FAT4: variants seen among roughly 807,000 people sequenced by gnomAD.
The protein encoded by FAT4 is FAT atypical cadherin 4.
Under a neutral mutation model 303.9 loss-of-function variants are expected in FAT4, and 84 were observed. The ratio of observed to expected loss-of-function variants is 0.28; its 90% CI spans 0.23 to 0.33. FAT4 has a LOEUF of 0.33. Among genes scored for constraint, FAT4 ranks in the 10% least tolerant of loss-of-function variants. The probability of loss-of-function intolerance (pLI) is 1.00; values close to 1 mark genes in which losing one functional copy is unlikely to be tolerated. For missense variants in FAT4, 6,005 were observed against 6,146.8 expected, an observed-to-expected ratio of 0.98 and a Z score of 0.77; for synonymous variants, 2,307 against 2,298.8, an observed-to-expected ratio of 1.00 and a Z score of -0.10.
intron 2 of FAT4, chr4:125,393,967 C>T (rs544971661): frequency 2.6e-6 from 2 of 780,246 alleles, no homozygotes; most frequent in East Asian, 4.9e-5. Context: ...GTGGGTGATA[C>T]CTTAGCTCAA....
At chr4:125,486,143 CTT>C (rs532857051) in intron 16 of FAT4, among the ~76,000 whole-genome samples, 1 of 139,052 alleles carries the variant, frequency 7.2e-6, no homozygotes, top group African/African-American at 2.7e-5. Flanking sequence ...AAGGCTTTTC[CTT>C]TTTTTTTTTT....
chr4:125,347,115 G>C (rs1732033379), intron 2 of FAT4, among the ~76,000 whole-genome samples: 1 of 151,748 alleles, frequency 6.6e-6, no homozygotes, highest in African/African-American at 2.4e-5. Flanking sequence ...CTCAGTGCTA[G>C]GCAAGGCATA....
At chr4:125,452,944 T>C in intron 10 of FAT4, 134 bp downstream of exon 10, 1 of 1,162,824 alleles carries the variant, frequency 8.6e-7, no homozygotes, top group Non-Finnish European at 1.2e-6. Context: ...AAACATTTAC[T>C]GTTGGTCAAA....
chr4:125,451,970 A>C lies in FAT4; in HGVS notation c.10960A>C (p.Thr3654Pro), dbSNP rs754795124. ...GTTAGACAGCTTCCACTGCTCCCTT[A>C]CTTCAGGAGTTACCAGCCTCTTCAG... ...DVLDSFHCSL[T>P]SGVTSLFSIP... The change falls in exon 10 of 18, where the codon ACT becomes CCT. Residue 3654 changes from threonine to proline, a missense_variant. Physicochemically the swap from Thr to Pro is conservative, Grantham distance 38. Coordinates refer to ENST00000394329, the MANE Select transcript of FAT4 (RefSeq NM_001291303.3). The C allele has an allele frequency of 1.1e-5, 18 of 1,613,900 alleles. No homozygotes were observed. The highest frequency in any genetic ancestry group is 1.5e-5 in the Non-Finnish European group (18 of 1,179,992).
At position 125,451,816 on chromosome 4, in the gene FAT4, G is replaced by A. The variant is rs1459274517; in HGVS notation, c.10806G>A (p.Val3602=). 1.2e-6 allele frequency: 2 copies of A among 1,614,110 alleles called. No individual in the cohort carries two copies. The highest frequency in any genetic ancestry group is 1.7e-5 in the Admixed American group (1 of 60,014). The part of the protein sequence containing the change: ...GVPQMSSTGT[V]HITVIDQNDN... ...CTCAAATGTCTTCCACAGGAACTGT[G>A]CATATCACAGTTATAGACCAAAATG... Residue 3602 remains valine, a synonymous_variant, in exon 10 of 18, where the codon GTG becomes GTA. Coordinates refer to ENST00000394329, the MANE Select transcript of FAT4 (RefSeq NM_001291303.3).
At chr4:125,346,034 A>T (rs1016397060) in intron 2 of FAT4, among the ~76,000 whole-genome samples, 7 of 152,012 alleles carry the variant, frequency 4.6e-5, no homozygotes, top group African/African-American at 1.7e-4. Context: ...AGAATTATTC[A>T]CTTTGTTAGC....
At chr4:125,376,979 C>A (rs997688016) in intron 2 of FAT4, among the ~76,000 whole-genome samples, 1 of 152,086 alleles carries the variant, frequency 6.6e-6, no homozygotes, top group Non-Finnish European at 1.5e-5. Context: ...CATTTGTAGG[C>A]AGTCAGAGCA....
Position 125,449,397 on chromosome 4 carries a change from T to A in FAT4, c.8387T>A (p.Val2796Asp). 1 of 1,613,782 alleles carries A rather than the reference T, an allele frequency of 6.2e-7. No individual in the cohort carries two copies. Among genetic ancestry groups the A allele is most frequent in the Non-Finnish European group, 8.5e-7 (1 of 1,179,836 alleles). ...CCCTTAGGATACACAGTTACCCGTGTCACAACTTCTGATGAAGACATTGGG... is the reference window on the plus strand; with the variant it reads ...CCCTTAGGATACACAGTTACCCGTGACACAACTTCTGATGAAGACATTGGG... ...NSPLGYTVTR[V>D]TTSDEDIGIN... Residue 2796 changes from valine (V) to aspartate (D), a missense_variant, in exon 10 of 18, where the codon GTC becomes GAC. Val to Asp is a radical substitution (Grantham distance 152, BLOSUM62 -3). Coordinates refer to ENST00000394329, the MANE Select transcript of FAT4 (RefSeq NM_001291303.3).
intron 7 of FAT4, among the ~76,000 whole-genome samples, chr4:125,420,476 G>T (rs760138788): frequency 3.3e-5 from 5 of 152,064 alleles, no homozygotes; most frequent in Non-Finnish European, 5.9e-5. Context: ...CTTATATTTA[G>T]TTTATTGTTA....
chr4:125,354,523 G>C (rs915644322), intron 2 of FAT4, among the ~76,000 whole-genome samples: 1 of 151,640 alleles, frequency 6.6e-6, no homozygotes, highest in African/African-American at 2.4e-5. Flanking sequence ...TGTATACTAG[G>C]TAAGAAAAGA....
Position 125,319,900 on chromosome 4 carries a change from G to A in FAT4, c.3489G>A (p.Arg1163=). 5 of 1,614,040 alleles carry A rather than the reference G, an allele frequency of 3.1e-6. No homozygotes were observed. The South Asian group carries it at 3.3e-5, about 11-fold the overall frequency. ...GEITNTHQFD[R]ESLMRRRGTA... ...TTACAAATACTCATCAGTTTGACAG[G>A]GAGTCTCTTATGAGGCGGAGAGGGA... The change falls in exon 2 of 18, where the codon AGG becomes AGA. Residue 1163 remains arginine (R), a synonymous_variant. Transcript: ENST00000394329.
At position 125,317,299 on chromosome 4, in the gene FAT4, C is replaced by T; in HGVS notation, c.888C>T (p.Phe296=). 6.3e-7 allele frequency: 1 copy of T among 1,598,290 alleles called. No individual in the cohort carries two copies. The highest frequency in any genetic ancestry group is 8.5e-7 in the Non-Finnish European group (1 of 1,170,010). The change falls in exon 2 of 18, where the codon TTC becomes TTT. Residue 296 remains phenylalanine, a synonymous_variant. Transcript: ENST00000394329. This position sits in a 1 kb window ranked among gnomAD's most constrained non-coding sequence, Gnocchi z 7.0. ...GCCTGCAGGACGAGGGGACCCCCTTCCAAATGGACCCTGAGACGGGACTTA... is the reference window on the plus strand; with the variant it reads ...GCCTGCAGGACGAGGGGACCCCCTTTCAAATGGACCCTGAGACGGGACTTA... The part of the protein sequence containing the change: ...RYRLQDEGTP[F]QMDPETGLIT...
At chr4:125,404,230 G>T (rs78638412) in intron 3 of FAT4, among the ~76,000 whole-genome samples, 3,550 of 152,142 alleles carry the variant, frequency 0.023, 180 homozygotes, top group Admixed American at 0.13. Context: ...CAACTTGGGG[G>T]AAATGAAGCC....
chr4:125,448,526 T>G lies in FAT4; in HGVS notation c.7516T>G (p.Ser2506Ala), dbSNP rs148603730. The change falls in exon 10 of 18, where the codon TCT becomes GCT. Residue 2506 changes from serine (S) to alanine (A), a missense_variant. Coordinates refer to ENST00000394329, the MANE Select transcript of FAT4 (RefSeq NM_001291303.3). ...TGGACCAAATTCTGAACTGCATTATTCTCTTTCGGGTAGAAATTCTGAAAA... is the reference window on the plus strand; with the variant it reads ...TGGACCAAATTCTGAACTGCATTATGCTCTTTCGGGTAGAAATTCTGAAAA... Reference protein sequence around the residue: ...DIGPNSELHYSLSGRNSEKFH... With the variant: ...DIGPNSELHYALSGRNSEKFH... The G allele has an allele frequency of 1.7e-5, 28 of 1,613,906 alleles. No homozygotes were observed. Among genetic ancestry groups the G allele is most frequent in the Non-Finnish European group, 2.2e-5 (26 of 1,179,884 alleles).
At chr4:125,336,157 TA>T (rs1338295155) in intron 2 of FAT4, among the ~76,000 whole-genome samples, 1 of 152,046 alleles carries the variant, frequency 6.6e-6, no homozygotes, top group Non-Finnish European at 1.5e-5. Context: ...GGAACTGCAT[TA>T]AAAATAACTC....
chr4:125,394,283 G>A (rs1734082829), intron 2 of FAT4, among the ~76,000 whole-genome samples: 3 of 152,184 alleles, frequency 2.0e-5, no homozygotes, highest in African/African-American at 7.2e-5. Flanking sequence ...AGCCACTCAT[G>A]AAGAGAAACT....
At position 125,415,777 on chromosome 4, in the gene FAT4, T is replaced by G; in HGVS notation, c.6814T>G (p.Leu2272Val). Residue 2272 changes from leucine to valine, a missense_variant, in exon 6 of 18, where the codon TTA (leucine) becomes GTA (valine). Coordinates refer to ENST00000394329, the MANE Select transcript of FAT4 (RefSeq NM_001291303.3). ...SPYSVNVPEN[L>V]GTLPRTILQV... ...ATATTCTGTAAATGTCCCTGAGAAT[T>G]TAGGGACACTACCCAGAACAATTCT... The G allele has an allele frequency of 6.2e-7, 1 of 1,613,424 alleles. No individual in the cohort carries two copies. The highest frequency in any genetic ancestry group is 8.5e-7 in the Non-Finnish European group (1 of 1,179,550).
chr4:125,449,059 C>T lies in FAT4; in HGVS notation c.8049C>T (p.Asn2683=), dbSNP rs1221886354. 2.5e-6 allele frequency: 4 copies of T among 1,613,708 alleles called. No homozygotes were observed. In the Admixed American group the frequency reaches 6.7e-5, roughly 27 times the overall value. Residue 2683 remains asparagine (N), a synonymous_variant, in exon 10 of 18, where the codon AAC becomes AAT. Transcript: ENST00000394329. The stretch of plus-strand genomic sequence containing the variant: ...CATTTATATCTGAAATATTGGAAAA[C>T]CTTTCCCCTCGAAAAATACTTACTG... ...EDPFISEILE[N]LSPRKILTVS...
intron 10 of FAT4, among the ~76,000 whole-genome samples, chr4:125,462,830 T>A (rs897135400): frequency 1.3e-5 from 2 of 152,046 alleles, no homozygotes; most frequent in Admixed American, 6.6e-5. Flanking sequence ...TGAAGACACT[T>A]GTTTGCTTTC....
Sources: allele counts gnomAD v4.1 joint callset (sites outside exome capture counted in the v4.1 genomes callset), GRCh38; gene constraint gnomAD v4.1.1; non-coding constraint Gnocchi (gnomAD v3.1); transcripts MANE v1.5; gene names NCBI Gene and HGNC (gene_info 2026-07-23, HGNC 2026-07-21).